Variants in FAAH2 observed in about 807,000 individuals in gnomAD.
FAAH2 encodes the protein fatty-acid amide hydrolase 2.
FAAH2 carries 60 observed loss-of-function variants against 36.9 expected under a neutral mutation model. The ratio of observed to expected loss-of-function variants is 1.63; its 90% CI spans 1.32 to 2.02. The LOEUF (loss-of-function observed/expected upper bound fraction) is 2.02. FAAH2 is among the 30% of genes most tolerant of loss of function. The probability of loss-of-function intolerance (pLI) is 0.00; values close to 1 mark genes in which losing one functional copy is unlikely to be tolerated. For synonymous variants in FAAH2, 214 were observed against 143.8 expected (o/e 1.49, Z -3.49); for missense variants, 689 against 397.5 (o/e 1.73, Z -6.23).
At chrX:57,483,093 C>T (rs1012575677) in intron 10 of FAAH2, among the ~76,000 whole-genome samples, 8 of 111,540 alleles carry the variant, frequency 7.2e-5, no homozygotes, top group African/African-American at 2.6e-4. Context: ...TATTTCCTCA[C>T]GTATGTTTTC....
At chrX:57,274,795 TATC>T in the FAAH2 span, among the ~76,000 whole-genome samples, 34 of 111,666 alleles carry the variant, frequency 3.0e-4, no homozygotes, top group Non-Finnish European at 5.5e-4. Flanking sequence ...CCACAGCCAA[TATC>T]ATACTGAATG....
At chrX:57,175,340 A>G in the FAAH2 span, among the ~76,000 whole-genome samples, 1 of 111,378 alleles carries the variant, frequency 9.0e-6, no homozygotes, top group Admixed American at 9.5e-5. Flanking sequence ...TTTGTCTTTT[A>G]CTATTGTTGT....
At chrX:57,292,985 G>A (rs868646704) in intron 2 of FAAH2, among the ~76,000 whole-genome samples, 37 of 111,380 alleles carry the variant, frequency 3.3e-4, no homozygotes, top group South Asian at 3.8e-4. Flanking sequence ...ATTTTATATA[G>A]GTATCATATA....
intron 7 of FAAH2, among the ~76,000 whole-genome samples, chrX:57,400,322 G>A (rs1206953189): frequency 2.7e-5 from 3 of 112,182 alleles, no homozygotes; most frequent in Non-Finnish European, 5.6e-5. Context: ...CATAAATAAT[G>A]AGGCCAACCC....
In FAAH2 at chrX:57,331,690, A is replaced by T. The variant is rs772824309; in HGVS notation, c.505A>T (p.Ile169Phe). The T allele has an allele frequency of 1.7e-6, 2 of 1,211,644 alleles. No individual in the cohort carries two copies. Among genetic ancestry groups the T allele is most frequent in the South Asian group, 3.5e-5 (2 of 56,995 alleles). ...GGCATTACTGAAGGGAGCTGGTGCC[A>T]TTCCTCTTGGCATAACCAACTGTAG... Reference protein sequence around the residue: ...VVALLKGAGAIPLGITNCSEL... With the variant: ...VVALLKGAGAFPLGITNCSEL... Residue 169 changes from isoleucine to phenylalanine, a missense_variant, in exon 4 of 11, where the codon ATT (isoleucine) becomes TTT (phenylalanine). Physicochemically the swap from Ile to Phe is conservative, Grantham distance 21. Transcript: ENST00000374900.
chrX:57,292,655 A>G (rs1426005615), intron 2 of FAAH2, 75 bp downstream of exon 2: 2 of 831,026 alleles, frequency 2.4e-6, no homozygotes, highest in Non-Finnish European at 3.5e-6. Flanking sequence ...CCACCTTAGC[A>G]TATTTCCTAG....
the FAAH2 span, among the ~76,000 whole-genome samples, chrX:57,160,800 CA>C: frequency 1.8e-5 from 2 of 111,739 alleles, no homozygotes; most frequent in African/African-American, 6.5e-5. Context: ...TTGATCTTTT[CA>C]AAAAACCAGC....
At position 57,287,383 on chromosome X, in the gene FAAH2, G is replaced by A. The variant is rs777195191; in HGVS notation, c.192+366G>A. 8.2e-5 allele frequency among the ~76,000 whole-genome samples: 9 copies of A among 110,097 alleles called. No individual in the cohort carries two copies. In the Admixed American group the frequency reaches 8.8e-4, roughly 11 times the overall value. ...TCCCTTTCTCTCTCTCTATTCTTCC[G>A]TCTCTCACAGGCCCCAGATCAACCT... On this transcript the variant is annotated intron_variant, in intron 1 of 10. Coordinates refer to ENST00000374900, the MANE Select transcript of FAAH2 (RefSeq NM_174912.4).
At chrX:57,188,857 T>C in the FAAH2 span, among the ~76,000 whole-genome samples, 1 of 111,420 alleles carries the variant, frequency 9.0e-6, no homozygotes, top group East Asian at 2.8e-4. Flanking sequence ...CTGATAATTA[T>C]GTGTCTTGAT....
chrX:57,379,227 A>T (rs2054770439), intron 6 of FAAH2, among the ~76,000 whole-genome samples: 1 of 110,769 alleles, frequency 9.0e-6, no homozygotes, highest in African/African-American at 3.3e-5. Flanking sequence ...AATTATTTCC[A>T]TTTCCAGCGA....
the FAAH2 span, among the ~76,000 whole-genome samples, chrX:57,224,110 C>A: frequency 9.0e-6 from 1 of 111,436 alleles, no homozygotes; most frequent in Non-Finnish European, 1.9e-5. Context: ...GGGTCTCCAC[C>A]CTTACCAGAC....
chrX:57,331,294 G>A (rs935683218), intron 3 of FAAH2, among the ~76,000 whole-genome samples: 1 of 111,349 alleles, frequency 9.0e-6, no homozygotes, highest in African/African-American at 3.3e-5. Context: ...GTTGCTCCTT[G>A]ACTGTTCAAC....
the FAAH2 span, among the ~76,000 whole-genome samples, chrX:57,281,602 A>G: frequency 9.0e-6 from 1 of 111,656 alleles, no homozygotes; most frequent in Non-Finnish European, 1.9e-5. Context: ...TGGTACATGT[A>G]TAGGTTTGAT....
At chrX:57,365,704 G>T (rs1045284826) in intron 5 of FAAH2, among the ~76,000 whole-genome samples, 3 of 111,922 alleles carry the variant, frequency 2.7e-5, no homozygotes, top group African/African-American at 9.7e-5. Flanking sequence ...TCAGTCTGAG[G>T]TTCTGTCTTT....
intron 2 of FAAH2, among the ~76,000 whole-genome samples, chrX:57,307,755 A>G (rs762857862): frequency 1.2e-4 from 13 of 111,044 alleles, no homozygotes; most frequent in Non-Finnish European, 2.3e-4. Flanking sequence ...TGAGTATAGT[A>G]TCCAACAGTT....
the FAAH2 span, among the ~76,000 whole-genome samples, chrX:57,243,722 C>A: frequency 9.0e-6 from 1 of 111,534 alleles, no homozygotes; most frequent in Non-Finnish European, 1.9e-5. Flanking sequence ...AAAACAACCA[C>A]ACCAAAACCC....
chrX:57,342,578 A>G (rs892971171), intron 5 of FAAH2, among the ~76,000 whole-genome samples: 2 of 111,447 alleles, frequency 1.8e-5, no homozygotes, highest in Non-Finnish European at 3.8e-5. Context: ...GCACAAAAAG[A>G]GTACTGAAAA....
intron 1 of FAAH2, among the ~76,000 whole-genome samples, chrX:57,287,526 T>A (rs1006349559): frequency 8.9e-6 from 1 of 112,314 alleles, no homozygotes; most frequent in Non-Finnish European, 1.9e-5. Flanking sequence ...TGTGAAATAC[T>A]CTGCCTGGGT....
chrX:57,198,719 G>T, the FAAH2 span, among the ~76,000 whole-genome samples: 1 of 112,473 alleles, frequency 8.9e-6, no homozygotes, highest in South Asian at 3.7e-4. Flanking sequence ...TGGAGACTTG[G>T]TGATAAACTT....
Sources: gnomAD v4.1 joint callset for allele counts (sites outside exome capture counted in the v4.1 genomes callset) on GRCh38, gnomAD v4.1.1 for gene constraint, MANE v1.5 for transcripts, NCBI Gene and HGNC (gene_info 2026-07-23, HGNC 2026-07-21) for gene names.